APOL3: variants seen among roughly 807,000 people sequenced by gnomAD.
The protein encoded by APOL3 is TNF-inducible protein CG12-1.
A neutral mutation model predicts 11.6 loss-of-function variants in APOL3; 14 were observed. The observed-to-expected ratio is 1.21, with a 90% confidence interval of 0.80 to 1.89. The LOEUF is 1.89. APOL3 is among the 40% of genes most tolerant of loss of function. APOL3 has a pLI of 0.00. For synonymous variants in APOL3, 192 were observed against 190.6 expected, an observed-to-expected ratio of 1.01 and a Z score of -0.06; for missense variants, 483 against 492.1, an observed-to-expected ratio of 0.98 and a Z score of 0.17.
At chr22:36,150,091 C>A in intron 1 of APOL3, 1 of 350,590 alleles carries the variant, frequency 2.9e-6, no homozygotes, top group Non-Finnish European at 5.6e-6. Flanking sequence ...CGATTGCAGG[C>A]ATCAGCCACT....
At chr22:36,161,016 G>A, upstream of APOL3, 1 of 801,250 alleles carries the variant, frequency 1.2e-6, no homozygotes, top group South Asian at 1.7e-5. Context: ...TCTTCAGGAA[G>A]AAAGACCTAC....
At chr22:36,144,420 C>T (rs132622) in intron 2 of APOL3, among the ~76,000 whole-genome samples, 83,945 of 151,938 alleles carry the variant, frequency 0.55, 24,305 homozygotes, top group Middle Eastern at 0.73. Flanking sequence ...TTTAACCACA[C>T]GCCCATCTGA....
intron 1 of APOL3, among the ~76,000 whole-genome samples, chr22:36,151,646 A>T (rs1032567936): frequency 1.3e-5 from 2 of 152,238 alleles, no homozygotes; most frequent in African/African-American, 4.8e-5. Flanking sequence ...GTTACCATAC[A>T]TAATAATTAC....
exon 3 of APOL3, chr22:36,141,493 G>T (rs765471353): frequency 2.5e-6 from 4 of 1,614,164 alleles, no homozygotes; most frequent in Non-Finnish European, 2.5e-6. Flanking sequence ...ACAGGGAGTC[G>T]GGCCCTGGCT....
exon 3 of APOL3, chr22:36,142,009 C>A: frequency 2.5e-6 from 4 of 1,614,112 alleles, no homozygotes; most frequent in Non-Finnish European, 2.5e-6. Context: ...TCAATAGCTG[C>A]ATATGTTCTA....
At position 36,155,396 on chromosome 22, in the gene APOL3, C is replaced by T. The variant is rs117944495; in HGVS notation, c.223+5273G>A. Among the ~76,000 whole-genome samples, 624 of 152,262 alleles carry T rather than the reference C, an allele frequency of 4.1e-3. 4 individuals carry two copies. The highest frequency in any genetic ancestry group is 6.5e-3 in the Non-Finnish European group (439 of 68,004). On this transcript the variant is annotated intron_variant, in intron 1 of 2. Coordinates refer to ENST00000349314, the Ensembl canonical transcript of APOL3. The stretch of plus-strand genomic sequence containing the variant: ...AGGTCATGTGTAGAAGCATCCTCAT[C>T]GAAAGCCTCTCACCTCCCTCTTCCT...
chr22:36,158,693 T>C (rs963717211), intron 1 of APOL3, among the ~76,000 whole-genome samples: 11 of 152,002 alleles, frequency 7.2e-5, no homozygotes, highest in Admixed American at 7.2e-4. Context: ...GTGGCACGCC[T>C]CTGTAGTCCC....
chr22:36,157,686 T>C (rs2013119966), intron 1 of APOL3, among the ~76,000 whole-genome samples: 1 of 152,208 alleles, frequency 6.6e-6, no homozygotes, highest in Admixed American at 6.5e-5. Context: ...TTTGCAATAC[T>C]TAAAGCAAAG....
chr22:36,144,879 C>G (rs2060127406), intron 2 of APOL3, among the ~76,000 whole-genome samples: 1 of 151,660 alleles, frequency 6.6e-6, no homozygotes, highest in Non-Finnish European at 1.5e-5. Flanking sequence ...GATGCGGTGG[C>G]CGGAGCCTGT....
intron 1 of APOL3, among the ~76,000 whole-genome samples, chr22:36,154,005 G>A (rs987459574): frequency 6.6e-6 from 1 of 152,198 alleles, no homozygotes; most frequent in Non-Finnish European, 1.5e-5. Context: ...CAATAGGAAG[G>A]AATGTTTGAG....
chr22:36,161,076 C>A (rs1050181466), upstream of APOL3: 1 of 613,712 alleles, frequency 1.6e-6, no homozygotes, highest in African/African-American at 1.8e-5. Context: ...CCCAATAACA[C>A]CACACTCCCC....
chr22:36,162,555 T>C (rs972216158), upstream of APOL3, among the ~76,000 whole-genome samples: 1 of 152,120 alleles, frequency 6.6e-6, no homozygotes, highest in Non-Finnish European at 1.5e-5. Flanking sequence ...CCTCAACTTC[T>C]CTCCACAAAC....
rs1807498 is a variant in APOL3 at position 36,145,026 on chromosome 22, G to C, written c.350+447C>G. On this transcript the variant is annotated intron_variant, in intron 2 of 2. Transcript: ENST00000349314. ...CTCTGTCTCAAAAAAAAAAAAAAAA[G>C]AAAAAAAAAGAAAAAAAAAGAAAAA... Among the ~76,000 whole-genome samples the C allele has an allele frequency of 2.4e-5, 3 of 124,358 alleles. No individual in the cohort carries two copies. In the East Asian group the frequency reaches 6.9e-4, roughly 29 times the overall value. 81.6% of individuals were successfully genotyped at this position (124,358 alleles called of 152,430 possible). A position where few individuals can be genotyped will look rare whatever the true frequency, so the allele number is the denominator to read the frequency against.
At chr22:36,157,975 CG>C (rs2013170982) in intron 1 of APOL3, among the ~76,000 whole-genome samples, 1 of 152,030 alleles carries the variant, frequency 6.6e-6, no homozygotes, top group African/African-American at 2.4e-5. Flanking sequence ...GCTTGAACCC[CG>C]GAGGTGGAGG....
upstream of APOL3, chr22:36,164,696 AC>A (rs2013815538): frequency 6.6e-6 from 1 of 152,208 alleles, no homozygotes; most frequent in South Asian, 2.1e-4. Context: ...TTTTCCCCAG[AC>A]CCACACCAGA....
At chr22:36,141,711 G>T (rs1453638937) in exon 3 of APOL3, 2 of 1,614,062 alleles carry the variant, frequency 1.2e-6, no homozygotes, top group South Asian at 1.1e-5. Flanking sequence ...GGTGATCCCA[G>T]TCACAGCAGA....
At chr22:36,158,927 G>A (rs1247755274) in intron 1 of APOL3, among the ~76,000 whole-genome samples, 1 of 152,102 alleles carries the variant, frequency 6.6e-6, no homozygotes, top group Non-Finnish European at 1.5e-5. Flanking sequence ...GAAACACAGG[G>A]CTCCATGAAG....
At chr22:36,146,248 T>C (rs901109676) in intron 1 of APOL3, 6 of 152,020 alleles carry the variant, frequency 3.9e-5, no homozygotes, top group African/African-American at 1.4e-4. Context: ...ACCAGGGAAG[T>C]GCCATGGTGC....
At chr22:36,149,269 GTT>G (rs2060338907) in intron 1 of APOL3, 127 bp from the exon 2 acceptor site, 123 of 1,305,562 alleles carry the variant, frequency 9.4e-5, no homozygotes, top group Non-Finnish European at 1.2e-4. Context: ...CTAGCCCGGT[GTT>G]TTTTAATCTC....
Sources: gnomAD v4.1 joint callset for allele counts (sites outside exome capture counted in the v4.1 genomes callset) on GRCh38, gnomAD v4.1.1 for gene constraint, MANE v1.5 for transcripts, NCBI Gene and HGNC (gene_info 2026-07-23, HGNC 2026-07-21) for gene names.